TLCD4: variants seen among roughly 807,000 people sequenced by gnomAD.
The protein encoded by TLCD4 is TLC domain containing 4.
A neutral mutation model predicts 24.2 loss-of-function variants in TLCD4; 7 were observed. The ratio of observed to expected loss-of-function variants is 0.29; its 90% CI spans 0.16 to 0.54. TLCD4 has a LOEUF of 0.54. TLCD4 is among the 20% of genes least tolerant of loss of function. The pLI is 0.95. For missense variants in TLCD4, 259 were observed against 313.9 expected (o/e 0.82, Z 1.32); for synonymous variants, 103 against 106.4 (o/e 0.97, Z 0.20).
chr1:95,120,027 G>A (rs1393490476), intron 1 of TLCD4: 3 of 152,218 alleles, frequency 2.0e-5, no homozygotes, highest in Non-Finnish European at 4.4e-5. Context: ...GACTGGGGGT[G>A]GAGTTGTGCT....
At chr1:95,101,257 TG>T in the TLCD4 span, among the ~76,000 whole-genome samples, 2 of 152,002 alleles carry the variant, frequency 1.3e-5, no homozygotes, top group African/African-American at 4.8e-5. Flanking sequence ...TTTTTATTTT[TG>T]TTTCATTTAT....
At chr1:95,123,765 A>T (rs1344241543) in intron 1 of TLCD4, among the ~76,000 whole-genome samples, 1 of 146,322 alleles carries the variant, frequency 6.8e-6, no homozygotes, top group East Asian at 1.9e-4. Flanking sequence ...TGTCAATAAC[A>T]TGTGATAGTA....
intron 6 of TLCD4, among the ~76,000 whole-genome samples, chr1:95,185,571 C>G (rs1450476416): frequency 6.6e-6 from 1 of 152,174 alleles, no homozygotes; most frequent in African/African-American, 2.4e-5. Context: ...GACAGCAAGT[C>G]CAACTCCTTC....
At chr1:95,104,925 C>G in the TLCD4 span, among the ~76,000 whole-genome samples, 1 of 151,646 alleles carries the variant, frequency 6.6e-6, no homozygotes, top group Non-Finnish European at 1.5e-5. Context: ...GAGGTTGAGG[C>G]AGGCGTGGAT....
intron 1 of TLCD4, among the ~76,000 whole-genome samples, chr1:95,119,481 A>G (rs1676514015): frequency 6.6e-6 from 1 of 152,154 alleles, no homozygotes; most frequent in Middle Eastern, 3.2e-3. Context: ...TAACCAGATA[A>G]CTAGTAGGAA....
At chr1:95,180,823 A>C (rs190831055) in intron 6 of TLCD4, among the ~76,000 whole-genome samples, 66 of 152,310 alleles carry the variant, frequency 4.3e-4, no homozygotes, top group African/African-American at 1.6e-3. Flanking sequence ...TCAGTACCTA[A>C]ATGTCCCATT....
At chr1:95,169,439 T>A (rs1678133215) in intron 5 of TLCD4, among the ~76,000 whole-genome samples, 1 of 152,254 alleles carries the variant, frequency 6.6e-6, no homozygotes, top group Admixed American at 6.5e-5. Context: ...CAAAGTTGTT[T>A]AGATGAACAT....
chr1:95,189,402 AATTG>A (rs1678947029), intron 6 of TLCD4, among the ~76,000 whole-genome samples: 1 of 152,042 alleles, frequency 6.6e-6, no homozygotes, highest in Admixed American at 6.6e-5. Flanking sequence ...CCAACCTCCT[AATTG>A]ATTGTTTAAA....
intron 5 of TLCD4, among the ~76,000 whole-genome samples, chr1:95,158,330 G>A (rs972604915): frequency 1.3e-5 from 2 of 150,772 alleles, no homozygotes; most frequent in African/African-American, 4.9e-5. Flanking sequence ...TGAGACATTC[G>A]CCACTTTACC....
At chr1:95,183,492 T>C (rs762760988) in intron 6 of TLCD4, among the ~76,000 whole-genome samples, 6 of 152,206 alleles carry the variant, frequency 3.9e-5, no homozygotes, top group Non-Finnish European at 7.3e-5. Context: ...AATAAGGTGA[T>C]ATTTTAACCT....
the TLCD4 span, among the ~76,000 whole-genome samples, chr1:95,100,910 CTTT>C: frequency 7.0e-5 from 10 of 142,184 alleles, no homozygotes; most frequent in East Asian, 2.0e-4. Flanking sequence ...AGGTCTCCAA[CTTT>C]TTTTTTTTTT....
chr1:95,123,892 A>T (rs570903186), intron 1 of TLCD4, among the ~76,000 whole-genome samples: 1 of 152,352 alleles, frequency 6.6e-6, no homozygotes, highest in East Asian at 1.9e-4. Context: ...TGAGGGTAAA[A>T]GACCAATTCA....
Position 95,160,167 on chromosome 1 carries a change from C to A in TLCD4, c.399+8748C>A, listed in dbSNP as rs560119812. ...GGAATGCTCTTCCATTTGTTTGTGT[C>A]CTCTTTTATTTCCTTGAGCAGTGGT... is the stretch of plus-strand genomic sequence containing the variant. On this transcript the variant is annotated intron_variant, in intron 5 of 6. Transcript: ENST00000370203. Among the ~76,000 whole-genome samples, 6 of 152,242 alleles carry A rather than the reference C, an allele frequency of 3.9e-5. No individual in the cohort carries two copies. In the East Asian group the frequency reaches 5.8e-4, roughly 15 times the overall value.
At chr1:95,154,839 G>T (rs72966525) in intron 5 of TLCD4, among the ~76,000 whole-genome samples, 2,733 of 148,514 alleles carry the variant, frequency 0.018, 83 homozygotes, top group African/African-American at 0.064. Flanking sequence ...ATAGGTAATA[G>T]ACTGACCCAG....
chr1:95,115,534 A>G (rs1676413305), upstream of TLCD4, among the ~76,000 whole-genome samples: 1 of 152,248 alleles, frequency 6.6e-6, no homozygotes, highest in Admixed American at 6.5e-5. Context: ...ACATTCAACT[A>G]CTATTTACTG....
chr1:95,184,583 T>C (rs1278675162), intron 6 of TLCD4, among the ~76,000 whole-genome samples: 1 of 152,210 alleles, frequency 6.6e-6, no homozygotes, highest in Non-Finnish European at 1.5e-5. Context: ...GGATTTTCTC[T>C]CTGGAGTGAA....
intron 6 of TLCD4, among the ~76,000 whole-genome samples, chr1:95,185,363 G>A (rs1571786967): frequency 6.6e-6 from 1 of 152,338 alleles, no homozygotes; most frequent in East Asian, 1.9e-4. Context: ...AAAGGTGCCT[G>A]AGAAGAAGTT....
the TLCD4 span, among the ~76,000 whole-genome samples, chr1:95,111,824 A>G: frequency 6.6e-6 from 1 of 152,146 alleles, no homozygotes. Flanking sequence ...CCTCCACCCT[A>G]ACATTGCCAC....
chr1:95,163,727 G>C (rs1445444204), intron 5 of TLCD4: 4 of 152,308 alleles, frequency 2.6e-5, no homozygotes, highest in Non-Finnish European at 5.9e-5. Flanking sequence ...CTTCTAACAG[G>C]ACCTTCAGCT....
Sources: gnomAD v4.1 joint callset for allele counts (sites outside exome capture counted in the v4.1 genomes callset) on GRCh38, gnomAD v4.1.1 for gene constraint, MANE v1.5 for transcripts, NCBI Gene and HGNC (gene_info 2026-07-23, HGNC 2026-07-21) for gene names.